ZW10: variants seen among roughly 807,000 people sequenced by gnomAD.
ZW10 encodes centromere/kinetochore protein zw10 homolog.
Under a neutral mutation model 87.8 loss-of-function variants are expected in ZW10, and 53 were observed. The ratio of observed to expected loss-of-function variants is 0.60; its 90% CI spans 0.48 to 0.76. The LOEUF (loss-of-function observed/expected upper bound fraction) is 0.76, where lower values mean the gene tolerates loss of function less well. ZW10 is among the 30% of genes least tolerant of loss of function. ZW10 has a pLI of 0.00. For synonymous variants in ZW10, 312 were observed against 329.2 expected (o/e 0.95, Z 0.57); for missense variants, 837 against 923.0 (o/e 0.91, Z 1.21).
chr11:113,764,924 C>T lies in ZW10; in HGVS notation c.240+3909G>A, dbSNP rs976955787. On this transcript the variant is annotated intron_variant, in intron 2 of 15. Transcript: ENST00000200135. Reference sequence around the variant, plus strand: ...GACCACTCCGTATATATTGATACTCCTTTCTTCCTGATTGTCTTACTCCAA... The same window carrying T: ...GACCACTCCGTATATATTGATACTCTTTTCTTCCTGATTGTCTTACTCCAA... Among the ~76,000 whole-genome samples the T allele has an allele frequency of 3.3e-5, 5 of 152,256 alleles. No homozygotes were observed. In the East Asian group the frequency reaches 9.6e-4, roughly 29 times the overall value.
At position 113,736,767 on chromosome 11, in the gene ZW10, T is replaced by C; in HGVS notation, c.2072A>G (p.Asp691Gly). 1.2e-6 allele frequency: 2 copies of C among 1,614,182 alleles called. No individual in the cohort carries two copies. The highest frequency in any genetic ancestry group is 1.7e-6 in the Non-Finnish European group (2 of 1,180,032). The change falls in exon 15 of 16, where the codon GAT becomes GGT. Residue 691 changes from aspartate to glycine, a missense_variant. Asp to Gly is a moderately conservative substitution (Grantham distance 94). Coordinates refer to ENST00000200135, the MANE Select transcript of ZW10 (RefSeq NM_004724.4). ...AGGTGCAAATACTTGGGGTCCTTCA[T>C]CCATCACTGTTTTGCATAAGGAATA... ...RLYSLCKTVM[D>G]EGPQVFAPLS...
intron 2 of ZW10, among the ~76,000 whole-genome samples, chr11:113,768,442 A>G (rs1953929372): frequency 6.6e-6 from 1 of 152,184 alleles, no homozygotes; most frequent in African/African-American, 2.4e-5. Flanking sequence ...TTCATTTCTA[A>G]TAGCACAGTC....
At chr11:113,756,579 TGA>T (rs1211371915) in intron 7 of ZW10, among the ~76,000 whole-genome samples, 2 of 152,196 alleles carry the variant, frequency 1.3e-5, no homozygotes, top group Non-Finnish European at 2.9e-5. Context: ...GTAAGAAATG[TGA>T]GTTTTAAAAA....
At chr11:113,733,978 G>A (rs2134861166) in intron 15 of ZW10, among the ~76,000 whole-genome samples, 164 bp from the exon 16 acceptor site, 1 of 152,282 alleles carries the variant, frequency 6.6e-6, no homozygotes, top group South Asian at 2.1e-4. Flanking sequence ...CAATGTGTCT[G>A]ACCTCTTTGC....
At chr11:113,746,433 T>C (rs1202166316) in intron 9 of ZW10, among the ~76,000 whole-genome samples, 1 of 145,768 alleles carries the variant, frequency 6.9e-6, no homozygotes, top group Non-Finnish European at 1.5e-5. Flanking sequence ...GAGTACATAG[T>C]AGTAGTATGT....
chr11:113,767,754 G>C (rs966991284), intron 2 of ZW10, among the ~76,000 whole-genome samples: 55 of 152,246 alleles, frequency 3.6e-4, no homozygotes, highest in African/African-American at 1.2e-3. Context: ...CTACTAACCT[G>C]ATATGCAAGG....
chr11:113,756,755 C>T (rs1379058968), intron 7 of ZW10, among the ~76,000 whole-genome samples: 1 of 152,186 alleles, frequency 6.6e-6, no homozygotes, highest in African/African-American at 2.4e-5. Flanking sequence ...CAAATCATCT[C>T]TCCAATTCCT....
chr11:113,761,481 A>C (rs1035143100), intron 2 of ZW10, among the ~76,000 whole-genome samples: 1 of 152,104 alleles, frequency 6.6e-6, no homozygotes, highest in Non-Finnish European at 1.5e-5. Context: ...GAGTTCTGCC[A>C]TGTTGTCCAG....
chr11:113,760,561 A>G lies in ZW10; in HGVS notation c.372T>C (p.Cys124=), dbSNP rs993397885. ...TGACATACTTCTTCTCTGTTAATGC[A>G]CAATTATATTCTTCAATAGCAGTGG... ...EFSTAIEEYN[C]ALTEKKYVTG... is the part of the protein sequence containing the mutation. Residue 124 remains cysteine, a synonymous_variant, in exon 4 of 16, where the codon TGT becomes TGC. Transcript: ENST00000200135. The G allele has an allele frequency of 4.3e-6, 7 of 1,613,768 alleles. No individual in the cohort carries two copies. The Admixed American group carries it at 6.7e-5, about 15-fold the overall frequency.
Position 113,743,927 on chromosome 11 carries a change from C to T in ZW10, c.1386G>A (p.Glu462=), listed in dbSNP as rs773805236. Residue 462 remains glutamate (E), a synonymous_variant, in exon 10 of 16, where the codon GAG becomes GAA. Coordinates refer to ENST00000200135, the MANE Select transcript of ZW10 (RefSeq NM_004724.4). Reference sequence around the variant, plus strand: ...AATGTTGGTCCAATGTATTTTCAGGCTCTAAATTCATCACTTCGTGGTACT... The same window carrying T: ...AATGTTGGTCCAATGTATTTTCAGGTTCTAAATTCATCACTTCGTGGTACT... ...NTQYHEVMNL[E]PENTLDQHSF... is the part of the protein sequence containing the mutation. The T allele has an allele frequency of 6.2e-7, 1 of 1,614,188 alleles. No individual in the cohort carries two copies. The highest frequency in any genetic ancestry group is 1.7e-5 in the Admixed American group (1 of 60,026).
chr11:113,736,952 C>A (rs1953560578), intron 14 of ZW10, 130 bp from the exon 15 acceptor site: 2 of 735,672 alleles, frequency 2.7e-6, no homozygotes, highest in African/African-American at 1.8e-5. Flanking sequence ...CAATTTGGAA[C>A]AACTTACTAG....
intron 10 of ZW10, 140 bp from the exon 11 acceptor site, chr11:113,741,905 AAC>A (rs1953623816): frequency 1.8e-6 from 1 of 552,580 alleles, no homozygotes; most frequent in African/African-American, 1.9e-5. Context: ...GTTGCTGGAA[AAC>A]ACCATTAATC....
At chr11:113,753,612 G>C (rs928114630) in intron 7 of ZW10, among the ~76,000 whole-genome samples, 12 of 152,068 alleles carry the variant, frequency 7.9e-5, no homozygotes, top group Admixed American at 2.0e-4. Context: ...CACCATGTTG[G>C]CCAGGCTGGT....
intron 7 of ZW10, 137 bp from the exon 8 acceptor site, chr11:113,748,557 G>T: frequency 1.5e-6 from 1 of 650,674 alleles, no homozygotes; most frequent in Non-Finnish European, 2.5e-6. Flanking sequence ...CTTCTCAACT[G>T]CGTGGGACAA....
intron 2 of ZW10, among the ~76,000 whole-genome samples, chr11:113,767,747 C>A (rs1953923565): frequency 6.6e-6 from 1 of 152,188 alleles, no homozygotes; most frequent in Admixed American, 6.5e-5. Flanking sequence ...CATGTTACTA[C>A]TAACCTGATA....
At chr11:113,740,398 G>A (rs1449812018) in intron 11 of ZW10, among the ~76,000 whole-genome samples, 1 of 152,104 alleles carries the variant, frequency 6.6e-6, no homozygotes, top group Non-Finnish European at 1.5e-5. Flanking sequence ...AGACCAGCCT[G>A]GGCAACATAT....
chr11:113,753,345 T>G (rs1030546044), intron 7 of ZW10, among the ~76,000 whole-genome samples: 4 of 152,222 alleles, frequency 2.6e-5, no homozygotes, highest in African/African-American at 4.8e-5. Context: ...TAAAAGTGTA[T>G]TAGTGAACAC....
At chr11:113,745,714 A>G (rs1953670673) in intron 9 of ZW10, among the ~76,000 whole-genome samples, 1 of 152,254 alleles carries the variant, frequency 6.6e-6, no homozygotes, top group Non-Finnish European at 1.5e-5. Flanking sequence ...AGACCTAGTA[A>G]GATGTCTCTT....
At chr11:113,743,337 A>G (rs1295575825) in intron 10 of ZW10, among the ~76,000 whole-genome samples, 1 of 152,230 alleles carries the variant, frequency 6.6e-6, no homozygotes, top group African/African-American at 2.4e-5. Flanking sequence ...GAGCCTGAGC[A>G]AGCTGGAATA....
Sources: gnomAD v4.1 joint callset for allele counts (sites outside exome capture counted in the v4.1 genomes callset) on GRCh38, gnomAD v4.1.1 for gene constraint, MANE v1.5 for transcripts, NCBI Gene and HGNC (gene_info 2026-07-23, HGNC 2026-07-21) for gene names.